The following F8 variants were observed in gnomAD, a reference collection of about 807,000 sequenced individuals.
F8 encodes the protein coagulation factor VIII.
F8 carries 12 observed loss-of-function variants against 140.6 expected under a neutral mutation model. That is an observed-to-expected ratio of 0.09 (90% CI 0.05 to 0.14). The LOEUF (loss-of-function observed/expected upper bound fraction) is 0.14, where lower values mean the gene tolerates loss of function less well. Among genes scored for constraint, F8 ranks in the 10% least tolerant of loss-of-function variants. F8 has a pLI of 1.00. For synonymous variants in F8, 585 were observed against 614.6 expected, an observed-to-expected ratio of 0.95 and a Z score of 0.71; for missense variants, 1,354 against 1,720.7, an observed-to-expected ratio of 0.79 and a Z score of 3.77.
rs375400068 is a variant in F8, at chrX:154,861,778, G to T, written c.6663C>A (p.Thr2221=). The stretch of plus-strand genomic sequence containing the variant: ...GAAGTCGAGCTTTTGAAGGAGACCA[G>T]GTGGCAAACATATTGGTAAAGTAGG... ...ASSYFTNMFA[T]WSPSKARLHL... is the part of the protein sequence containing the mutation. Residue 2221 remains threonine (T), a synonymous_variant, in exon 24 of 26, where the codon ACC becomes ACA. Transcript: ENST00000360256. 40 of 1,209,845 alleles carry T rather than the reference G, an allele frequency of 3.3e-5. No homozygotes were observed. In the East Asian group the frequency reaches 1.1e-3, roughly 33 times the overall value.
In F8 at chrX:154,973,118, C is replaced by T. The variant is rs782027025; in HGVS notation, c.788-3566G>A. On this transcript the variant is annotated intron_variant, in intron 6 of 25. Coordinates refer to ENST00000360256, the MANE Select transcript of F8 (RefSeq NM_000132.4). ...ATTTATTGAAAAGACTGTTCTTTAC[C>T]CATCATGTATTCTTGCCAACTTCGT... is the stretch of plus-strand genomic sequence containing the variant. Among the ~76,000 whole-genome samples the T allele has an allele frequency of 3.6e-5, 4 of 112,048 alleles. No homozygotes were observed. In the Admixed American group the frequency reaches 3.8e-4, roughly 11 times the overall value.
At chrX:154,913,789 C>T (rs1415397994) in intron 14 of F8, among the ~76,000 whole-genome samples, 1 of 112,870 alleles carries the variant, frequency 8.9e-6, no homozygotes, top group African/African-American at 3.2e-5. Context: ...AGGGTACAGC[C>T]CTGCTCCTGG....
intron 6 of F8, among the ~76,000 whole-genome samples, chrX:154,982,376 G>T (rs1362557351): frequency 1.2e-4 from 12 of 99,252 alleles, no homozygotes; most frequent in Admixed American, 1.1e-3. Flanking sequence ...GAACCCCGGG[G>T]GGCAGAGCCT....
In F8 at chrX:154,966,446, T is replaced by C. The variant is rs782803121; in HGVS notation, c.1251A>G (p.Leu417=). The change falls in exon 8 of 26, where the codon TTA becomes TTG. Residue 417 remains leucine (L), a synonymous_variant. Transcript: ENST00000360256. ...CTTACCTGTCATCGGGGGCGAGGAC[T>C]AAGGGAGCATAGTCCCAGTCCTCCT... ...AEEEDWDYAP[L]VLAPDDRSYK... 272 of 1,209,554 alleles carry C rather than the reference T, an allele frequency of 2.2e-4. No homozygotes were observed. Among genetic ancestry groups the C allele is most frequent in the Non-Finnish European group, 3.0e-4 (266 of 895,099 alleles).
At chrX:155,005,683 G>A (rs1159207915) in intron 1 of F8, among the ~76,000 whole-genome samples, 6 of 112,060 alleles carry the variant, frequency 5.4e-5, no homozygotes, top group African/African-American at 1.3e-4. Flanking sequence ...CAGATTCACC[G>A]CTTCAGGACT....
chrX:155,020,510 A>G (rs2073755106), intron 1 of F8, among the ~76,000 whole-genome samples: 1 of 112,464 alleles, frequency 8.9e-6, no homozygotes, highest in Non-Finnish European at 1.9e-5. Flanking sequence ...AAGAAAAGAT[A>G]TCTCTGATTA....
chrX:154,935,337 T>C (rs1557279116), intron 13 of F8, among the ~76,000 whole-genome samples: 1 of 111,887 alleles, frequency 8.9e-6, no homozygotes, highest in African/African-American at 3.3e-5. Flanking sequence ...AGAAGACGTA[T>C]GGGTCAATGG....
intron 1 of F8, among the ~76,000 whole-genome samples, chrX:155,015,495 C>T (rs781876493): frequency 1.1e-3 from 122 of 112,159 alleles, no homozygotes; most frequent in African/African-American, 3.8e-3. Context: ...TATCAAAACT[C>T]AACAATAACA....
At chrX:154,978,165 T>C (rs1557283181) in intron 6 of F8, among the ~76,000 whole-genome samples, 2 of 110,648 alleles carry the variant, frequency 1.8e-5, no homozygotes, top group Non-Finnish European at 3.8e-5. Context: ...TCAATTGTTT[T>C]TCTGTGTTCT....
chrX:154,855,478 G>A (rs894959092), intron 25 of F8, among the ~76,000 whole-genome samples: 1 of 111,927 alleles, frequency 8.9e-6, no homozygotes, highest in Admixed American at 9.5e-5. Context: ...TCCCAGCTTT[G>A]CAGGGTGTCT....
chrX:154,957,101 T>C lies in F8; in HGVS notation c.1608A>G (p.Val536=). Residue 536 remains valine (V), a synonymous_variant, in exon 11 of 26, where the codon GTA becomes GTG. Coordinates refer to ENST00000360256, the MANE Select transcript of F8 (RefSeq NM_000132.4). The part of the protein sequence containing the change: ...EIFKYKWTVT[V]EDGPTKSDPR... ...GATCTGATTTAGTTGGCCCATCTTC[T>C]ACAGTCACTGTCCATTTATATTTGA... 1.7e-6 allele frequency: 2 copies of C among 1,211,432 alleles called. No individual in the cohort carries two copies. The highest frequency in any genetic ancestry group is 3.0e-5 in the East Asian group (1 of 33,845).
rs1305793989 is a variant in F8, at chrX:154,863,868, C to T, written c.6430-641G>A. Among the ~76,000 whole-genome samples, 3 of 111,298 alleles carry T rather than the reference C, an allele frequency of 2.7e-5. No individual in the cohort carries two copies. The Admixed American group carries it at 2.8e-4, about 11-fold the overall frequency. On this transcript the variant is annotated intron_variant, in intron 22 of 25. Coordinates refer to ENST00000360256, the MANE Select transcript of F8 (RefSeq NM_000132.4). The stretch of plus-strand genomic sequence containing the variant: ...AGCTCCAGAGTTGTTTGTATGTGGT[C>T]CTACCACTATCCCTATCTGCCCAGG...
At chrX:154,911,926 T>C (rs1369317944) in intron 14 of F8, among the ~76,000 whole-genome samples, 2 of 112,506 alleles carry the variant, frequency 1.8e-5, no homozygotes, top group Non-Finnish European at 3.8e-5. Context: ...CATTGTGCTT[T>C]TGGTTTGCAT....
chrX:155,011,396 A>T (rs1411077511), intron 1 of F8, among the ~76,000 whole-genome samples: 1 of 112,603 alleles, frequency 8.9e-6, no homozygotes, highest in Non-Finnish European at 1.9e-5. Context: ...TTAAAAAGAC[A>T]GACAGTAACA....
chrX:154,878,355 A>G (rs1256255106), intron 22 of F8, among the ~76,000 whole-genome samples: 1 of 107,295 alleles, frequency 9.3e-6, no homozygotes, highest in Non-Finnish European at 1.9e-5. Context: ...AAATATAGGG[A>G]AAAAAACCCC....
At chrX:155,010,022 T>G (rs1441521477) in intron 1 of F8, among the ~76,000 whole-genome samples, 1 of 112,036 alleles carries the variant, frequency 8.9e-6, no homozygotes. Context: ...CCTAAGAGCA[T>G]TAACACCCTC....
rs1557278454 is a variant in F8, at chrX:154,929,488, A to G, written c.4302T>C (p.His1434=). The G allele has an allele frequency of 1.7e-6, 2 of 1,211,658 alleles. No individual in the cohort carries two copies. The highest frequency in any genetic ancestry group is 1.1e-6 in the Non-Finnish European group (1 of 895,418). ...TCTTTCTATAAGATGCTGCTGGAAG[A>G]TGAGAAGAGTTGTCTTGGAATAGGA... ...TRVLFQDNSS[H]LPAASYRKKD... Residue 1434 remains histidine, a synonymous_variant, in exon 14 of 26, where the codon CAT becomes CAC. Coordinates refer to ENST00000360256, the MANE Select transcript of F8 (RefSeq NM_000132.4).
At chrX:154,956,916 A>G in intron 11 of F8, 41 bp downstream of exon 11, 1 of 1,053,323 alleles carries the variant, frequency 9.5e-7, no homozygotes, top group Non-Finnish European at 1.3e-6. Context: ...GGGGACATAC[A>G]CTGAGAATGA....
chrX:155,013,810 T>A (rs2073721353), intron 1 of F8, among the ~76,000 whole-genome samples: 1 of 111,740 alleles, frequency 8.9e-6, no homozygotes, highest in Non-Finnish European at 1.9e-5. Context: ...TGGAGCCCTC[T>A]TCCCAGCTGG....
Sources: allele counts gnomAD v4.1 joint callset (sites outside exome capture counted in the v4.1 genomes callset), GRCh38; gene constraint gnomAD v4.1.1; transcripts MANE v1.5; gene names NCBI Gene and HGNC (gene_info 2026-07-23, HGNC 2026-07-21).